The following LEKR1 variants were observed in gnomAD, a reference collection of about 807,000 sequenced individuals.
LEKR1 encodes protein LEKR1.
A neutral mutation model predicts 72.4 loss-of-function variants in LEKR1; 59 were observed. That is an observed-to-expected ratio of 0.82 (90% CI 0.66 to 1.01). LEKR1 has a LOEUF of 1.01. Among genes scored for constraint, LEKR1 ranks in the 50% least tolerant of loss-of-function variants. The pLI, the probability that LEKR1 is intolerant of heterozygous loss-of-function variation, is 0.00. For synonymous variants in LEKR1, 257 were observed against 263.2 expected (o/e 0.98, Z 0.23); for missense variants, 728 against 759.2 (o/e 0.96, Z 0.48).
chr3:156,996,865 G>A (rs1380755495), intron 9 of LEKR1, among the ~76,000 whole-genome samples: 5 of 152,016 alleles, frequency 3.3e-5, no homozygotes, highest in East Asian at 1.9e-4. Flanking sequence ...AGTGGTTCGC[G>A]AACAGCCTGG....
At chr3:157,020,158 A>G (rs1472925085) in intron 10 of LEKR1, among the ~76,000 whole-genome samples, 2 of 152,038 alleles carry the variant, frequency 1.3e-5, no homozygotes, top group Admixed American at 6.6e-5. Flanking sequence ...TAACTCGAGT[A>G]AAACAGAACA....
At chr3:156,958,031 TC>T (rs1727804696) in intron 6 of LEKR1, among the ~76,000 whole-genome samples, 1 of 152,160 alleles carries the variant, frequency 6.6e-6, no homozygotes, top group African/African-American at 2.4e-5. Context: ...CTGTTACATT[TC>T]TCTTGGTTGA....
chr3:156,925,902 G>A (rs527921596), intron 4 of LEKR1, among the ~76,000 whole-genome samples: 1 of 151,918 alleles, frequency 6.6e-6, no homozygotes, highest in Non-Finnish European at 1.5e-5. Flanking sequence ...ATGCTTTAAT[G>A]AAACAAGCAA....
intron 9 of LEKR1, among the ~76,000 whole-genome samples, chr3:157,007,832 A>G (rs1332580338): frequency 2.0e-5 from 3 of 152,232 alleles, no homozygotes; most frequent in African/African-American, 7.2e-5. Flanking sequence ...GAGAGCATAT[A>G]CATGTTAAAC....
intron 3 of LEKR1, among the ~76,000 whole-genome samples, chr3:156,900,607 A>G (rs1030815549): frequency 2.6e-5 from 4 of 152,218 alleles, no homozygotes; most frequent in South Asian, 2.1e-4. Context: ...GAAACTTCCA[A>G]TGCAAAGATA....
intron 6 of LEKR1, among the ~76,000 whole-genome samples, chr3:156,960,576 A>G (rs1410118692): frequency 6.6e-6 from 1 of 152,298 alleles, no homozygotes; most frequent in East Asian, 1.9e-4. Context: ...GTGAGCCACC[A>G]TGCCTGGCCC....
At chr3:157,044,276 C>A (rs572177564) in intron 12 of LEKR1, among the ~76,000 whole-genome samples, 2 of 152,320 alleles carry the variant, frequency 1.3e-5, no homozygotes, top group African/African-American at 4.8e-5. Context: ...ATTTACTTTT[C>A]AGCCTCATTT....
chr3:156,968,054 C>A (rs926831174), intron 6 of LEKR1, among the ~76,000 whole-genome samples: 16 of 152,076 alleles, frequency 1.1e-4, no homozygotes, highest in African/African-American at 2.9e-4. Context: ...GAAATAAAAT[C>A]CTTTACAGAC....
At chr3:156,908,347 A>G (rs1466533377) in intron 3 of LEKR1, among the ~76,000 whole-genome samples, 1 of 152,000 alleles carries the variant, frequency 6.6e-6, no homozygotes, top group African/African-American at 2.4e-5. Flanking sequence ...TACAGTTTTA[A>G]TGGTGATTTT....
At chr3:156,888,872 A>C (rs62275247) in intron 3 of LEKR1, among the ~76,000 whole-genome samples, 4,842 of 152,314 alleles carry the variant, frequency 0.032, 117 homozygotes, top group Non-Finnish European at 0.047. Context: ...GAAAAACAAA[A>C]CATACTTTGT....
At chr3:156,903,539 G>A (rs556419552) in intron 3 of LEKR1, among the ~76,000 whole-genome samples, 19 of 152,144 alleles carry the variant, frequency 1.2e-4, no homozygotes, top group Middle Eastern at 3.4e-3. Context: ...GCTTGAACTA[G>A]CTTAGGCAAA....
intron 6 of LEKR1, among the ~76,000 whole-genome samples, chr3:156,968,939 G>A (rs1004975221): frequency 2.6e-5 from 4 of 152,176 alleles, no homozygotes; most frequent in Admixed American, 6.5e-5. Flanking sequence ...TCAGACCACA[G>A]TGCAATCAAA....
rs565995267 is a variant in LEKR1, at chr3:156,960,947, T to C, written c.745+18233T>C. Among the ~76,000 whole-genome samples the C allele has an allele frequency of 1.3e-4, 20 of 152,314 alleles. No individual in the cohort carries two copies. In the East Asian group the frequency reaches 3.3e-3, roughly 25 times the overall value. On this transcript the variant is annotated intron_variant, in intron 6 of 12. Transcript: ENST00000356539. ...GCACAATTTATCTCAATTGATATAA[T>C]CCTCTCAGAGGTCATTGTGACCCAC... is the stretch of plus-strand genomic sequence containing the variant.
Position 157,045,789 on chromosome 3 carries a change from G to T in LEKR1, c.*39G>T. ...GCAGGAAGCTCCCTACAGCGTGCAC[G>T]CTCTTTCAGAGAGTGCCAGGAATTC... On this transcript the variant is annotated 3_prime_UTR_variant, in exon 13 of 13. Coordinates refer to ENST00000356539, the MANE Select transcript of LEKR1 (RefSeq NM_001004316.3). 1.3e-6 allele frequency: 2 copies of T among 1,543,966 alleles called. No individual in the cohort carries two copies. The highest frequency in any genetic ancestry group is 1.8e-6 in the Non-Finnish European group (2 of 1,134,738).
chr3:156,841,024 G>T (rs1333104030), intron 2 of LEKR1, among the ~76,000 whole-genome samples: 7 of 152,194 alleles, frequency 4.6e-5, no homozygotes, highest in African/African-American at 1.7e-4. Context: ...CACCTCTCAG[G>T]CAGAGGATGT....
At chr3:156,930,419 A>G (rs1207096512) in intron 5 of LEKR1, among the ~76,000 whole-genome samples, 1 of 152,146 alleles carries the variant, frequency 6.6e-6, no homozygotes, top group Non-Finnish European at 1.5e-5. Flanking sequence ...TGTCAATGTA[A>G]CATGACAACT....
At chr3:157,031,940 G>T (rs549131283) in intron 12 of LEKR1, among the ~76,000 whole-genome samples, 1 of 151,982 alleles carries the variant, frequency 6.6e-6, no homozygotes, top group Admixed American at 6.6e-5. Flanking sequence ...AGCAAGGGTC[G>T]CAAAGCAGAG....
At chr3:156,946,902 C>G (rs1434992659) in intron 6 of LEKR1, among the ~76,000 whole-genome samples, 1 of 150,910 alleles carries the variant, frequency 6.6e-6, no homozygotes, top group Non-Finnish European at 1.5e-5. Context: ...CTCATAGTAG[C>G]CTCTAATGAT....
chr3:156,854,137 CTTTTT>C (rs370896609), intron 3 of LEKR1, among the ~76,000 whole-genome samples: 4 of 108,228 alleles, frequency 3.7e-5, no homozygotes, highest in South Asian at 2.9e-4. Flanking sequence ...GTAAAAATCA[CTTTTT>C]TTTTTTTTTT....
Sources: gnomAD v4.1 joint callset for allele counts (sites outside exome capture counted in the v4.1 genomes callset) on GRCh38, gnomAD v4.1.1 for gene constraint, MANE v1.5 for transcripts, NCBI Gene and HGNC (gene_info 2026-07-23, HGNC 2026-07-21) for gene names.